CNTN5: variants seen among roughly 807,000 people sequenced by gnomAD.
The protein encoded by CNTN5 is contactin 5.
CNTN5 carries 77 observed loss-of-function variants against 129.1 expected under a neutral mutation model. The ratio of observed to expected loss-of-function variants is 0.60; its 90% CI spans 0.50 to 0.72. CNTN5 has a LOEUF of 0.72. CNTN5 is among the 30% of genes least tolerant of loss of function. The pLI, the probability that CNTN5 is intolerant of heterozygous loss-of-function variation, is 0.00. For missense variants in CNTN5, 1,478 were observed against 1,328.8 expected (o/e 1.11, Z -1.75); for synonymous variants, 509 against 465.6 (o/e 1.09, Z -1.20).
intron 3 of CNTN5, among the ~76,000 whole-genome samples, chr11:99,697,500 A>G (rs1372032041): frequency 1.3e-5 from 2 of 151,796 alleles, no homozygotes; most frequent in Non-Finnish European, 2.9e-5. Flanking sequence ...GATACTCTAC[A>G]GAAAATGTGA....
In CNTN5 at chr11:100,193,493, A is replaced by G; in HGVS notation, c.1714A>G (p.Thr572Ala). The G allele has an allele frequency of 6.4e-7, 1 of 1,568,232 alleles. No individual in the cohort carries two copies. Among genetic ancestry groups the G allele is most frequent in the Non-Finnish European group, 8.7e-7 (1 of 1,151,528 alleles). Residue 572 changes from threonine (T) to alanine (A), a missense_variant, in exon 15 of 25, where the codon ACA becomes GCA. Transcript: ENST00000524871. ...ACGTATTTTTATTTCTATAGAACCTACAAGGATAGAACTTACTCCTAAAAG... is the reference window on the plus strand; with the variant it reads ...ACGTATTTTTATTTCTATAGAACCTGCAAGGATAGAACTTACTCCTAAAAG... ...IIASLSVKEP[T>A]RIELTPKRTE...
chr11:100,019,499 C>A (rs1235310180), intron 9 of CNTN5, among the ~76,000 whole-genome samples: 2 of 151,900 alleles, frequency 1.3e-5, no homozygotes, highest in East Asian at 3.9e-4. Context: ...CCAGGTTCAT[C>A]CATGTTGTTA....
chr11:99,796,642 C>G (rs139278510), intron 3 of CNTN5, among the ~76,000 whole-genome samples: 2 of 151,544 alleles, frequency 1.3e-5, no homozygotes, highest in Non-Finnish European at 2.9e-5. Flanking sequence ...GGCCAGCAGA[C>G]AGGGGGCTGC....
intron 2 of CNTN5, among the ~76,000 whole-genome samples, chr11:99,543,723 G>A (rs1948188070): frequency 6.6e-6 from 1 of 152,066 alleles, no homozygotes; most frequent in Admixed American, 6.5e-5. Flanking sequence ...TTCAAGACCA[G>A]CCTGGCCAAC....
chr11:99,804,925 T>G (rs1240202419), intron 3 of CNTN5, among the ~76,000 whole-genome samples: 2 of 151,640 alleles, frequency 1.3e-5, no homozygotes, highest in African/African-American at 4.8e-5. Flanking sequence ...CAGTGCTTCA[T>G]GATGGAACAT....
At chr11:99,488,546 G>T (rs1035253580) in intron 2 of CNTN5, among the ~76,000 whole-genome samples, 1 of 151,942 alleles carries the variant, frequency 6.6e-6, no homozygotes, top group Non-Finnish European at 1.5e-5. Flanking sequence ...CTAGTATGGA[G>T]GCTAGGTCTT....
intron 2 of CNTN5, among the ~76,000 whole-genome samples, chr11:99,421,294 G>C (rs1281094588): frequency 6.6e-6 from 1 of 152,006 alleles, no homozygotes; most frequent in Non-Finnish European, 1.5e-5. Flanking sequence ...CAAATATATA[G>C]AAGATAACTT....
At chr11:99,245,947 A>G (rs1392168936) in intron 1 of CNTN5, among the ~76,000 whole-genome samples, 1 of 152,144 alleles carries the variant, frequency 6.6e-6, no homozygotes, top group Non-Finnish European at 1.5e-5. Context: ...AATCATCACC[A>G]TTGAGAACCC....
chr11:99,677,426 A>T (rs1953338674), intron 3 of CNTN5, among the ~76,000 whole-genome samples: 1 of 152,136 alleles, frequency 6.6e-6, no homozygotes, highest in Non-Finnish European at 1.5e-5. Context: ...CCACATGAGC[A>T]GTTTGAGGAT....
chr11:99,776,507 A>C lies in CNTN5; in HGVS notation c.56-43037A>C, dbSNP rs1330280590. Among the ~76,000 whole-genome samples, 5 of 151,884 alleles carry C rather than the reference A, an allele frequency of 3.3e-5. No homozygotes were observed. The East Asian group carries it at 9.7e-4, about 29-fold the overall frequency. ...GCTATTAATGACTTACATAACTCAT[A>C]CTGAGCTTAAAATATATATATTGAA... is the stretch of plus-strand genomic sequence containing the variant. On this transcript the variant is annotated intron_variant, in intron 3 of 24. Transcript: ENST00000524871.
At chr11:100,256,012 T>C (rs1474452667) in intron 17 of CNTN5, 94 bp downstream of exon 17, 2 of 1,085,064 alleles carry the variant, frequency 1.8e-6, no homozygotes, top group African/African-American at 3.1e-5. Flanking sequence ...TTTTTTTGGA[T>C]TCTGAAATCT....
intron 1 of CNTN5, among the ~76,000 whole-genome samples, chr11:99,218,758 C>A (rs1860255367): frequency 6.6e-6 from 1 of 152,082 alleles, no homozygotes; most frequent in African/African-American, 2.4e-5. Context: ...AATTTCCAAA[C>A]CTCTTTTGTA....
chr11:99,698,802 A>G (rs759632537), intron 3 of CNTN5, among the ~76,000 whole-genome samples: 2 of 151,168 alleles, frequency 1.3e-5, no homozygotes, highest in African/African-American at 4.8e-5. Context: ...GTAATACTAT[A>G]ATCACAATCA....
At chr11:99,510,535 A>G (rs192364683) in intron 2 of CNTN5, among the ~76,000 whole-genome samples, 8 of 152,334 alleles carry the variant, frequency 5.3e-5, no homozygotes, top group Admixed American at 4.6e-4. Flanking sequence ...AAGTACATAT[A>G]CACATTCATA....
intron 13 of CNTN5, among the ~76,000 whole-genome samples, chr11:100,126,471 C>G (rs1018334108): frequency 6.6e-6 from 1 of 152,022 alleles, no homozygotes; most frequent in African/African-American, 2.4e-5. Flanking sequence ...TGCTCAGGTT[C>G]ATATATATTT....
intron 21 of CNTN5, 79 bp downstream of exon 21, chr11:100,308,547 C>A: frequency 6.8e-7 from 1 of 1,466,142 alleles, no homozygotes; most frequent in Non-Finnish European, 9.1e-7. Context: ...TTTGGTGACA[C>A]CTCAGAATTT....
At chr11:99,069,035 T>G (rs1865223066) in intron 1 of CNTN5, among the ~76,000 whole-genome samples, 4 of 152,208 alleles carry the variant, frequency 2.6e-5, no homozygotes, top group Middle Eastern at 3.4e-3. Context: ...TGGCGATGAC[T>G]CATCCTTACC....
chr11:99,237,806 G>A (rs181793805), intron 1 of CNTN5, among the ~76,000 whole-genome samples: 1 of 152,038 alleles, frequency 6.6e-6, no homozygotes, highest in Non-Finnish European at 1.5e-5. Context: ...TAATAATTAT[G>A]GGTCCAATTT....
intron 6 of CNTN5, among the ~76,000 whole-genome samples, chr11:99,845,832 A>C (rs1169432424): frequency 6.6e-6 from 1 of 152,076 alleles, no homozygotes; most frequent in Non-Finnish European, 1.5e-5. Flanking sequence ...TGTTATTTTC[A>C]AGTCTTTGAG....
Sources: gnomAD v4.1 joint callset for allele counts (sites outside exome capture counted in the v4.1 genomes callset) on GRCh38, gnomAD v4.1.1 for gene constraint, MANE v1.5 for transcripts, NCBI Gene and HGNC (gene_info 2026-07-23, HGNC 2026-07-21) for gene names.